The following GRIK4 variants were observed in gnomAD, a reference collection of about 807,000 sequenced individuals.
GRIK4 encodes the protein glutamate receptor ionotropic, kainate 4.
In GRIK4, 40 loss-of-function variants were observed where a neutral mutation model predicts 104.9. That is an observed-to-expected ratio of 0.38 (90% CI 0.30 to 0.50). The LOEUF (loss-of-function observed/expected upper bound fraction) is 0.50, where lower values mean the gene tolerates loss of function less well. Ranked by LOEUF, GRIK4 falls within the 20% of genes least tolerant of loss-of-function variation. The probability of loss-of-function intolerance (pLI) is 0.93; values close to 1 mark genes in which losing one functional copy is unlikely to be tolerated. For synonymous variants in GRIK4, 485 were observed against 524.9 expected, an observed-to-expected ratio of 0.92 and a Z score of 1.04; for missense variants, 1,047 against 1,308.1, an observed-to-expected ratio of 0.80 and a Z score of 3.08.
chr11:120,862,038 A>G lies in GRIK4; in HGVS notation c.824A>G (p.His275Arg), dbSNP rs1446358578. 1 of 1,614,006 alleles carries G rather than the reference A, an allele frequency of 6.2e-7. No individual in the cohort carries two copies. ...GGATTTTCCATTTTCAACCAATCCC[A>G]TGCTTTCTTCCAAGAGTTTGCCCAG... is the stretch of plus-strand genomic sequence containing the variant. ...ILGFSIFNQS[H>R]AFFQEFAQSL... is the part of the protein sequence containing the mutation. The change falls in exon 9 of 21, where the codon CAT becomes CGT. Residue 275 changes from histidine to arginine, a missense_variant. Physicochemically the swap from His to Arg is conservative, Grantham distance 29. Coordinates refer to ENST00000527524, the MANE Select transcript of GRIK4 (RefSeq NM_014619.5).
rs140419315 is a variant in GRIK4 at position 120,879,458 on chromosome 11, G to A, written c.1164+4215G>A. ...CGCAGCGACCTGCTGGGTTGCAATT[G>A]GTAAAACGTCTGAACCAAATACCAC... On this transcript the variant is annotated intron_variant, in intron 11 of 20. Transcript: ENST00000527524. 1.6e-3 allele frequency among the ~76,000 whole-genome samples: 246 copies of A among 152,320 alleles called. 1 individual carries two copies. The highest frequency in any genetic ancestry group is 5.4e-3 in the African/African-American group (226 of 41,578).
intron 11 of GRIK4, among the ~76,000 whole-genome samples, chr11:120,875,601 TC>T (rs1315242375): frequency 2.0e-5 from 3 of 152,110 alleles, no homozygotes; most frequent in Admixed American, 2.0e-4. Flanking sequence ...AGAGACTGTA[TC>T]ACATGTGGGC....
At chr11:120,761,077 G>A (rs145187251) in intron 3 of GRIK4, among the ~76,000 whole-genome samples, 9 of 152,196 alleles carry the variant, frequency 5.9e-5, no homozygotes, top group African/African-American at 2.2e-4. Context: ...GTGTAAAAAC[G>A]TTCCTATTTC....
chr11:120,804,700 T>C (rs980818705), intron 4 of GRIK4, among the ~76,000 whole-genome samples: 3 of 152,220 alleles, frequency 2.0e-5, no homozygotes, highest in Admixed American at 2.0e-4. Flanking sequence ...CAGGTGGCTT[T>C]CAGTCTGTCT....
At chr11:120,728,958 T>C (rs971690873) in intron 3 of GRIK4, among the ~76,000 whole-genome samples, 2 of 152,212 alleles carry the variant, frequency 1.3e-5, no homozygotes, top group African/African-American at 4.8e-5. Flanking sequence ...ACTCTCTTTC[T>C]CCATGAGTTC....
intron 17 of GRIK4, among the ~76,000 whole-genome samples, chr11:120,961,878 C>T (rs1944292760): frequency 6.6e-6 from 1 of 152,226 alleles, no homozygotes; most frequent in South Asian, 2.1e-4. Flanking sequence ...CCTACTGGCA[C>T]AGACAACAGT....
chr11:120,525,808 G>A (rs1210219767), intron 1 of GRIK4, among the ~76,000 whole-genome samples: 2 of 152,132 alleles, frequency 1.3e-5, no homozygotes, highest in Admixed American at 1.3e-4. Flanking sequence ...GGTGGGGGGT[G>A]ACGGGAGGGC....
intron 8 of GRIK4, among the ~76,000 whole-genome samples, chr11:120,851,477 G>T (rs1378188672): frequency 2.6e-5 from 4 of 152,324 alleles, no homozygotes; most frequent in Middle Eastern, 3.4e-3. Flanking sequence ...GTGCCATGCC[G>T]TGTAATTAAC....
At chr11:120,603,744 G>C (rs1413388132) in intron 1 of GRIK4, among the ~76,000 whole-genome samples, 2 of 152,160 alleles carry the variant, frequency 1.3e-5, no homozygotes, top group African/African-American at 2.4e-5. Context: ...TTTCATTTGG[G>C]GGGAAGGTTT....
chr11:120,967,416 A>G lies in GRIK4; in HGVS notation c.2395+93A>G. The G allele has an allele frequency of 1.4e-6, 2 of 1,385,962 alleles. No individual in the cohort carries two copies. The highest frequency in any genetic ancestry group is 2.4e-5 in the East Asian group (1 of 41,790). 85.9% of individuals were successfully genotyped at this position (1,385,962 alleles called of 1,614,324 possible). A position where few individuals can be genotyped will look rare whatever the true frequency, so the allele number is the denominator to read the frequency against. ...ATTCCAGGTACACATAATGACTTGT[A>G]GGACCCATTGAGAACGGCCTTGGAA... On this transcript the variant is annotated intron_variant, in intron 19 of 20. Transcript: ENST00000527524. The surrounding 1 kb of genome is among the most constrained non-coding windows in gnomAD (Gnocchi z 4.2).
At chr11:120,899,998 C>T (rs759635693) in intron 12 of GRIK4, among the ~76,000 whole-genome samples, 27 of 152,178 alleles carry the variant, frequency 1.8e-4, no homozygotes, top group South Asian at 1.5e-3. Flanking sequence ...GGGGCCCAGG[C>T]GCCCTGGGCT....
intron 3 of GRIK4, among the ~76,000 whole-genome samples, chr11:120,687,994 G>A (rs1050658310): frequency 2.6e-5 from 4 of 152,132 alleles, no homozygotes; most frequent in African/African-American, 9.7e-5. Context: ...CTATATTTGA[G>A]GACCCTCAAG....
At chr11:120,866,235 T>C (rs1389204478) in intron 9 of GRIK4, among the ~76,000 whole-genome samples, 1 of 152,068 alleles carries the variant, frequency 6.6e-6, no homozygotes, top group African/African-American at 2.4e-5. Context: ...AGGAGCAGGG[T>C]TCACCTCCAC....
At chr11:120,693,478 G>T (rs1950397936) in intron 3 of GRIK4, among the ~76,000 whole-genome samples, 3 of 152,188 alleles carry the variant, frequency 2.0e-5, no homozygotes. Context: ...CCAGTTAAGA[G>T]ACTGTTGGAG....
At chr11:120,729,817 A>G (rs1037098099) in intron 3 of GRIK4, among the ~76,000 whole-genome samples, 1 of 152,054 alleles carries the variant, frequency 6.6e-6, no homozygotes, top group African/African-American at 2.4e-5. Context: ...CTTGTAGGGT[A>G]TTACTCAAGA....
At chr11:120,551,529 C>G (rs1043521851) in intron 1 of GRIK4, among the ~76,000 whole-genome samples, 8 of 152,116 alleles carry the variant, frequency 5.3e-5, no homozygotes, top group South Asian at 4.1e-4. Context: ...GCCTGCAATC[C>G]CAGCACTTTG....
At chr11:120,885,064 C>A (rs1026443463) in intron 11 of GRIK4, among the ~76,000 whole-genome samples, 1 of 152,294 alleles carries the variant, frequency 6.6e-6, no homozygotes, top group African/African-American at 2.4e-5. Context: ...CAAGGTACTT[C>A]TCCACCTGGT....
At chr11:120,756,166 C>T (rs1241452339) in intron 3 of GRIK4, among the ~76,000 whole-genome samples, 1 of 152,164 alleles carries the variant, frequency 6.6e-6, no homozygotes, top group East Asian at 1.9e-4. Context: ...GCTGTTGCAA[C>T]GTTGGTTTCT....
At chr11:120,653,198 A>G (rs1347729114) in intron 1 of GRIK4, among the ~76,000 whole-genome samples, 1 of 152,230 alleles carries the variant, frequency 6.6e-6, no homozygotes, top group East Asian at 1.9e-4. Flanking sequence ...TCCTGCCCTC[A>G]TGGGGCTTGT....
Sources: gnomAD v4.1 joint callset for allele counts (sites outside exome capture counted in the v4.1 genomes callset) on GRCh38, gnomAD v4.1.1 for gene constraint, Gnocchi (gnomAD v3.1) non-coding constraint, MANE v1.5 for transcripts, NCBI Gene and HGNC (gene_info 2026-07-23, HGNC 2026-07-21) for gene names.